SGCZ: variants seen among roughly 807,000 people sequenced by gnomAD.
SGCZ encodes sarcoglycan zeta.
Under a neutral mutation model 41.3 loss-of-function variants are expected in SGCZ, and 40 were observed. The observed-to-expected ratio is 0.97, with a 90% confidence interval of 0.75 to 1.26. The LOEUF is 1.26. Among genes scored for constraint, SGCZ ranks in the 50% most tolerant of loss-of-function variants. The pLI is 0.00. For missense variants in SGCZ, 552 were observed against 369.8 expected (o/e 1.49, Z -4.04); for synonymous variants, 206 against 137.5 (o/e 1.50, Z -3.49).
At chr8:15,169,375 G>T (rs1246313474) in intron 1 of SGCZ, among the ~76,000 whole-genome samples, 1 of 152,182 alleles carries the variant, frequency 6.6e-6, no homozygotes, top group East Asian at 1.9e-4. Context: ...GCCTCTTCCT[G>T]TGTGGAATCA....
At chr8:14,715,737 T>C (rs1809668405) in intron 1 of SGCZ, among the ~76,000 whole-genome samples, 2 of 152,134 alleles carry the variant, frequency 1.3e-5, no homozygotes, top group East Asian at 1.9e-4. Flanking sequence ...TCAGTACCAA[T>C]AGAGATCTGT....
chr8:14,402,701 A>G (rs2117250639), intron 2 of SGCZ, among the ~76,000 whole-genome samples: 1 of 146,528 alleles, frequency 6.8e-6, no homozygotes, highest in Admixed American at 6.6e-5. Context: ...GCCTTGTAGT[A>G]TAGTTTGAAG....
intron 5 of SGCZ, among the ~76,000 whole-genome samples, chr8:14,156,432 G>C (rs1322370846): frequency 6.6e-6 from 1 of 152,120 alleles, no homozygotes; most frequent in Non-Finnish European, 1.5e-5. Context: ...CTTCACTCCA[G>C]CCTGGGTGAC....
chr8:15,179,647 G>A (rs1055547845), intron 1 of SGCZ, among the ~76,000 whole-genome samples: 1 of 152,074 alleles, frequency 6.6e-6, no homozygotes, highest in African/African-American at 2.4e-5. Context: ...AATAATTTAT[G>A]ACTGAAAAAG....
intron 6 of SGCZ, among the ~76,000 whole-genome samples, chr8:14,104,059 G>GACTT (rs988820648): frequency 2.0e-5 from 3 of 152,100 alleles, no homozygotes; most frequent in Non-Finnish European, 2.9e-5. Flanking sequence ...GGGTTTCACA[G>GACTT]ACTTACTTAC....
chr8:14,992,513 C>T (rs1022355779), intron 1 of SGCZ, among the ~76,000 whole-genome samples: 6 of 149,546 alleles, frequency 4.0e-5, no homozygotes, highest in African/African-American at 1.5e-4. Flanking sequence ...TGCTATTTAC[C>T]TCTCACCCTC....
At chr8:14,982,543 C>A (rs1801702291) in intron 1 of SGCZ, among the ~76,000 whole-genome samples, 1 of 152,154 alleles carries the variant, frequency 6.6e-6, no homozygotes, top group East Asian at 1.9e-4. Flanking sequence ...TGCTATCTGG[C>A]AAATTATTCA....
At chr8:14,715,758 T>C (rs1344647986) in intron 1 of SGCZ, among the ~76,000 whole-genome samples, 1 of 152,100 alleles carries the variant, frequency 6.6e-6, no homozygotes, top group Non-Finnish European at 1.5e-5. Flanking sequence ...CAGAAGTAAA[T>C]ATAAATCCAT....
intron 1 of SGCZ, among the ~76,000 whole-genome samples, chr8:14,555,203 T>C (rs972984011): frequency 6.6e-6 from 1 of 152,036 alleles, no homozygotes; most frequent in Non-Finnish European, 1.5e-5. Context: ...AGTTTTTCCC[T>C]TGGGAGGCTC....
At chr8:14,928,355 G>A (rs570906090) in intron 1 of SGCZ, among the ~76,000 whole-genome samples, 4 of 152,124 alleles carry the variant, frequency 2.6e-5, no homozygotes, top group Admixed American at 2.0e-4. Flanking sequence ...CTGTGCTCAG[G>A]GAGAAAAGTG....
chr8:14,188,093 T>G (rs970349059), intron 4 of SGCZ, among the ~76,000 whole-genome samples: 15 of 152,178 alleles, frequency 9.9e-5, no homozygotes, highest in African/African-American at 3.6e-4. Context: ...GGCAGCAAAC[T>G]ATCTTTTAAA....
intron 1 of SGCZ, 128 bp from the exon 2 acceptor site, chr8:14,555,054 A>C (rs1157224322): frequency 1.3e-6 from 1 of 769,684 alleles, no homozygotes; most frequent in South Asian, 2.1e-5. Context: ...GCATTCAAAT[A>C]ACTATTGTTG....
chr8:14,700,025 G>C lies in SGCZ; in HGVS notation c.40-145099C>G, dbSNP rs760661586. On this transcript the variant is annotated intron_variant, in intron 1 of 7. Transcript: ENST00000382080. Reference sequence around the variant, plus strand: ...GTTGGCAGAAATGTAAATTTGTTCAGCCACTGTGGAAAACAGATTGGAGAT... The same window carrying C: ...GTTGGCAGAAATGTAAATTTGTTCACCCACTGTGGAAAACAGATTGGAGAT... Among the ~76,000 whole-genome samples, 55 of 151,940 alleles carry C rather than the reference G, an allele frequency of 3.6e-4. 1 individual carries two copies. Among genetic ancestry groups the C allele is most frequent in the Middle Eastern group, 3.2e-3 (1 of 316 alleles).
intron 2 of SGCZ, among the ~76,000 whole-genome samples, chr8:14,425,531 G>T (rs1799756792): frequency 1.3e-5 from 2 of 151,864 alleles, no homozygotes; most frequent in African/African-American, 4.8e-5. Flanking sequence ...TGAGGCAGGA[G>T]AACTGCTTGA....
At chr8:15,058,685 T>C (rs1434541658) in intron 1 of SGCZ, among the ~76,000 whole-genome samples, 4 of 152,192 alleles carry the variant, frequency 2.6e-5, no homozygotes, top group Non-Finnish European at 5.9e-5. Context: ...CAAATAGTTG[T>C]TGACAACTAG....
At chr8:14,727,654 G>T (rs897584157) in intron 1 of SGCZ, among the ~76,000 whole-genome samples, 9 of 151,786 alleles carry the variant, frequency 5.9e-5, no homozygotes, top group African/African-American at 2.2e-4. Context: ...GGGACTACAG[G>T]CGCCCTCCAC....
chr8:14,490,390 G>A (rs544344023), intron 2 of SGCZ, among the ~76,000 whole-genome samples: 1 of 151,992 alleles, frequency 6.6e-6, no homozygotes, highest in Admixed American at 6.6e-5. Context: ...TAGAAATATG[G>A]ACTTTCTTTG....
intron 2 of SGCZ, among the ~76,000 whole-genome samples, chr8:14,340,814 AT>A (rs1323839177): frequency 2.0e-5 from 3 of 152,172 alleles, no homozygotes; most frequent in Non-Finnish European, 2.9e-5. Flanking sequence ...CATTTAAATA[AT>A]TTTTAAGGGT....
chr8:14,566,045 G>C (rs531523596), intron 1 of SGCZ, among the ~76,000 whole-genome samples: 150 of 152,170 alleles, frequency 9.9e-4, no homozygotes, highest in African/African-American at 3.4e-3. Context: ...CTCACTTATG[G>C]AGATGAAAGG....
Sources: allele counts gnomAD v4.1 joint callset (sites outside exome capture counted in the v4.1 genomes callset), GRCh38; gene constraint gnomAD v4.1.1; transcripts MANE v1.5; gene names NCBI Gene and HGNC (gene_info 2026-07-23, HGNC 2026-07-21).